Variants in GAS7 observed in about 807,000 individuals in gnomAD.
GAS7 encodes growth arrest-specific protein 7.
In GAS7, 28 loss-of-function variants were observed where a neutral mutation model predicts 71.1. That is an observed-to-expected ratio of 0.39 (90% CI 0.29 to 0.54). The LOEUF (loss-of-function observed/expected upper bound fraction) is 0.54, where lower values mean the gene tolerates loss of function less well. Among genes scored for constraint, GAS7 ranks in the 20% least tolerant of loss-of-function variants. The pLI is 0.62. For missense variants in GAS7, 436 were observed against 627.8 expected (o/e 0.69, Z 3.27); for synonymous variants, 258 against 245.8 (o/e 1.05, Z -0.46).
chr17:10,097,434 C>A (rs739359), intron 1 of GAS7, among the ~76,000 whole-genome samples: 4,723 of 152,220 alleles, frequency 0.031, 229 homozygotes, highest in African/African-American at 0.11. Flanking sequence ...AGCCACATTC[C>A]CAGGGTGACG....
intron 4 of GAS7, among the ~76,000 whole-genome samples, chr17:9,964,518 T>C (rs991856404): frequency 1.3e-5 from 2 of 152,172 alleles, no homozygotes; most frequent in African/African-American, 4.8e-5. Flanking sequence ...GTAAACACGG[T>C]TCCCCCTTGC....
intron 4 of GAS7, among the ~76,000 whole-genome samples, chr17:9,967,188 T>A (rs76835406): frequency 1.4e-5 from 2 of 139,858 alleles, no homozygotes; most frequent in South Asian, 2.3e-4. Context: ...TTTTTTTTTT[T>A]AAGTAAAAAA....
rs532296813 is a variant in GAS7, at chr17:9,969,139, C to A, written c.471+538G>T. ...CATGCATACCTTGAGTTGTTACTGA[C>A]GCCTAACTCACATGTTTGCATAAAC... On this transcript the variant is annotated intron_variant, in intron 4 of 13. Coordinates refer to ENST00000432992, the MANE Select transcript of GAS7 (RefSeq NM_201433.2). The surrounding 1 kb of genome is among the most constrained non-coding windows in gnomAD (Gnocchi z 5.5). 6.6e-6 allele frequency among the ~76,000 whole-genome samples: 1 copy of A among 152,166 alleles called. No homozygotes were observed. The highest frequency in any genetic ancestry group is 2.1e-4 in the South Asian group (1 of 4,832).
intron 3 of GAS7, among the ~76,000 whole-genome samples, chr17:9,978,257 C>T (rs1224246666): frequency 6.6e-6 from 1 of 151,262 alleles, no homozygotes; most frequent in Non-Finnish European, 1.5e-5. Flanking sequence ...TGGGCAGGGC[C>T]TCGTTTTATC....
At chr17:10,104,882 C>A (rs1025488158) in intron 1 of GAS7, among the ~76,000 whole-genome samples, 1 of 152,184 alleles carries the variant, frequency 6.6e-6, no homozygotes, top group Non-Finnish European at 1.5e-5. Flanking sequence ...TCTCACATTG[C>A]AGCCAGAGGG....
In GAS7 at chr17:9,959,116, T is replaced by G; in HGVS notation, c.525+86A>C. On this transcript the variant is annotated intron_variant, in intron 5 of 13. Transcript: ENST00000432992. The surrounding 1 kb of genome is among the most constrained non-coding windows in gnomAD (Gnocchi z 5.0). The stretch of plus-strand genomic sequence containing the variant: ...TTCCAGGTTGGGCATCACTTCTGCT[T>G]GGCGGTCCACATCGCCATGGCAACA... 1 of 1,477,102 alleles carries G rather than the reference T, an allele frequency of 6.8e-7. No individual in the cohort carries two copies. The highest frequency in any genetic ancestry group is 2.3e-5 in the East Asian group (1 of 42,714). 91.5% of individuals were successfully genotyped at this position (1,477,102 alleles called of 1,614,324 possible). A position where few individuals can be genotyped will look rare whatever the true frequency, so the allele number is the denominator to read the frequency against.
intron 9 of GAS7, among the ~76,000 whole-genome samples, chr17:9,929,769 G>A (rs141279674): frequency 0.013 from 1,941 of 152,144 alleles, 42 homozygotes; most frequent in East Asian, 0.071. Context: ...GAGCCACTGT[G>A]CCCGACGATA....
chr17:10,025,195 G>A (rs2072419623), intron 1 of GAS7, among the ~76,000 whole-genome samples: 1 of 152,022 alleles, frequency 6.6e-6, no homozygotes, highest in Non-Finnish European at 1.5e-5. Flanking sequence ...TTGAGGCCAG[G>A]AGTTCAAGGG....
chr17:10,076,230 A>C (rs1418494415), intron 1 of GAS7, among the ~76,000 whole-genome samples: 1 of 56,178 alleles, frequency 1.8e-5, no homozygotes, highest in East Asian at 7.9e-4. Context: ...GGGAGGGGAG[A>C]GGGAGAGGGA....
Position 9,913,062 on chromosome 17 carries a change from A to C in GAS7, c.*4166T>G, listed in dbSNP as rs990945457. The C allele has an allele frequency of 8.6e-6, 2 of 232,350 alleles. No homozygotes were observed. Among genetic ancestry groups the C allele is most frequent in the East Asian group, 6.1e-5 (1 of 16,486 alleles). The allele number at this position is 232,350 out of a possible 1,614,324, so 14.4% of individuals were successfully genotyped here. On this transcript the variant is annotated 3_prime_UTR_variant, in exon 14 of 14. Transcript: ENST00000432992. ...CAGGGAAAGAGGGCAGGAGAAGGGA[A>C]TTTTTTGGAGGGTTAAAAACAGGTT...
chr17:10,040,703 G>A (rs527941369), intron 1 of GAS7, among the ~76,000 whole-genome samples: 3 of 152,228 alleles, frequency 2.0e-5, no homozygotes, highest in Non-Finnish European at 2.9e-5. Context: ...TCCAGCGGTG[G>A]GGAGTCCCCC....
In GAS7 at chr17:10,198,505, G is replaced by T; in HGVS notation, c.-115C>A. 1.4e-6 allele frequency: 1 copy of T among 695,290 alleles called. No homozygotes were observed. The highest frequency in any genetic ancestry group is 2.1e-6 in the Non-Finnish European group (1 of 473,810). 43.1% of individuals were successfully genotyped at this position (695,290 alleles called of 1,614,324 possible). A position where few individuals can be genotyped will look rare whatever the true frequency, so the allele number is the denominator to read the frequency against. On this transcript the variant is annotated 5_prime_UTR_variant, in exon 1 of 14. Coordinates refer to ENST00000432992, the MANE Select transcript of GAS7 (RefSeq NM_201433.2). ...CGCTCCGGGCTCCCGCGCTCTGGGCGCGCGCCGTCTCTGGGGTGCGCGGGG... is the reference window on the plus strand; with the variant it reads ...CGCTCCGGGCTCCCGCGCTCTGGGCTCGCGCCGTCTCTGGGGTGCGCGGGG...
At chr17:10,148,390 C>T (rs889898484) in intron 1 of GAS7, among the ~76,000 whole-genome samples, 2 of 151,254 alleles carry the variant, frequency 1.3e-5, no homozygotes, top group Non-Finnish European at 2.9e-5. Flanking sequence ...GTGGGTGGAT[C>T]ACAAGGTCAG....
intron 1 of GAS7, among the ~76,000 whole-genome samples, chr17:10,188,945 G>C (rs1299582865): frequency 6.6e-6 from 1 of 152,136 alleles, no homozygotes; most frequent in Non-Finnish European, 1.5e-5. Context: ...TGCCCAGCCT[G>C]TATATGTTTT....
At chr17:10,088,082 A>G (rs2073539281) in intron 1 of GAS7, among the ~76,000 whole-genome samples, 1 of 152,012 alleles carries the variant, frequency 6.6e-6, no homozygotes, top group Non-Finnish European at 1.5e-5. Context: ...TTAGCCAGGC[A>G]TGGTGGTGCA....
chr17:9,947,836 A>C (rs1323604001), intron 5 of GAS7, among the ~76,000 whole-genome samples: 6 of 88,596 alleles, frequency 6.8e-5, no homozygotes, highest in East Asian at 2.5e-4. Flanking sequence ...TTAAAAACAA[A>C]AAAAAAAAAA....
At chr17:10,172,608 C>T (rs2074343561) in intron 1 of GAS7, among the ~76,000 whole-genome samples, 1 of 152,226 alleles carries the variant, frequency 6.6e-6, no homozygotes, top group African/African-American at 2.4e-5. Context: ...TGACATCTGA[C>T]TTTATAGCTT....
intron 2 of GAS7, among the ~76,000 whole-genome samples, chr17:10,005,195 A>ATGCATGTGTGTGCATGTGCGCGTG (rs1567880334): frequency 8.7e-5 from 11 of 126,114 alleles, no homozygotes; most frequent in African/African-American, 1.6e-4. Flanking sequence ...ATGTGCACGC[A>ATGCATGTGTGTGCATGTGCGCGTG]TGCATGTGTG....
At chr17:10,062,790 C>G (rs2073233616) in intron 1 of GAS7, among the ~76,000 whole-genome samples, 1 of 152,204 alleles carries the variant, frequency 6.6e-6, no homozygotes, top group South Asian at 2.1e-4. Flanking sequence ...TTTCTTCTCT[C>G]CCCCAGGAGT....
Sources: gnomAD v4.1 joint callset for allele counts (sites outside exome capture counted in the v4.1 genomes callset) on GRCh38, gnomAD v4.1.1 for gene constraint, Gnocchi (gnomAD v3.1) non-coding constraint, MANE v1.5 for transcripts, NCBI Gene and HGNC (gene_info 2026-07-23, HGNC 2026-07-21) for gene names.